Variants in WDR24 observed in about 807,000 individuals in gnomAD.
WDR24 encodes WD repeat domain 24, also known as GATOR2 complex protein WDR24.
WDR24 carries 32 observed loss-of-function variants against 66.7 expected under a neutral mutation model. The observed-to-expected ratio is 0.48, with a 90% confidence interval of 0.36 to 0.64. WDR24 has a LOEUF of 0.64. Among genes scored for constraint, WDR24 ranks in the 30% least tolerant of loss-of-function variants. WDR24 has a pLI of 0.00. For missense variants in WDR24, 978 were observed against 1,144.1 expected (o/e 0.85, Z 2.09); for synonymous variants, 565 against 469.1 (o/e 1.20, Z -2.64).
Position 684,623 on chromosome 16 carries a change from C to T in WDR24, c.*111G>A, listed in dbSNP as rs866202000. On this transcript the variant is annotated 3_prime_UTR_variant, in exon 9 of 9. Coordinates refer to ENST00000293883, the MANE Select transcript of WDR24 (RefSeq NM_032259.4). ...ATGGGGTGACACGCAGTGCCGACAG[C>T]GGCTCTACTTCCTTTATTGAGGTCT... The T allele has an allele frequency of 4.2e-6, 6 of 1,439,672 alleles. No homozygotes were observed. The highest frequency in any genetic ancestry group is 2.9e-5 in the African/African-American group (2 of 69,454). The allele number at this position is 1,439,672 out of a possible 1,614,324, so 89.2% of individuals were successfully genotyped here. A position where few individuals can be genotyped will look rare whatever the true frequency, so the allele number is the denominator to read the frequency against.
chr16:688,479 A>G (rs1024902699), intron 1 of WDR24, among the ~76,000 whole-genome samples: 3 of 152,150 alleles, frequency 2.0e-5, no homozygotes, highest in Non-Finnish European at 4.4e-5. Flanking sequence ...TTTTTAGTGG[A>G]TATGGGGTTT....
At position 685,333 on chromosome 16, in the gene WDR24, C is replaced by T. The variant is rs1318056855; in HGVS notation, c.1943G>A (p.Gly648Asp). The T allele has an allele frequency of 6.2e-7, 1 of 1,609,290 alleles. No homozygotes were observed. Among genetic ancestry groups the T allele is most frequent in the African/African-American group, 1.3e-5 (1 of 75,054 alleles). The stretch of plus-strand genomic sequence containing the variant: ...CACAGACACAGCCATCTGCACGTCG[C>T]CCTGCTCAGCGTAGAAGTGCAGCAT... Reference protein sequence around the residue: ...RDMLHFYAEQGDVQMAVSVLI... With the variant: ...RDMLHFYAEQDDVQMAVSVLI... The change falls in exon 7 of 9, where the codon GGC becomes GAC. Residue 648 changes from glycine (G) to aspartate (D), a missense_variant. By Grantham distance (94) the Gly-to-Asp change is moderately conservative (BLOSUM62 -1). Coordinates refer to ENST00000293883, the MANE Select transcript of WDR24 (RefSeq NM_032259.4).
Position 689,526 on chromosome 16 carries a change from C to T in WDR24, c.115G>A (p.Ala39Thr), listed in dbSNP as rs760445538. The change falls in exon 1 of 9, where the codon GCC becomes ACC. Residue 39 changes from alanine (A) to threonine (T), a missense_variant. Transcript: ENST00000293883. ...ANAISVCRDA[A>T]QVVVAGRSIF... is the part of the protein sequence containing the mutation. ...CTACGGCCTGCCACGACCACCTGGG[C>T]TGCGTCGCGGCACACACTGATGGCA... The T allele has an allele frequency of 3.7e-6, 6 of 1,613,136 alleles. No individual in the cohort carries two copies. The highest frequency in any genetic ancestry group is 5.1e-6 in the Non-Finnish European group (6 of 1,180,042).
At position 686,114 on chromosome 16, in the gene WDR24, G is replaced by A; in HGVS notation, c.1405C>T (p.His469Tyr). 1 of 1,613,142 alleles carries A rather than the reference G, an allele frequency of 6.2e-7. No individual in the cohort carries two copies. Among genetic ancestry groups the A allele is most frequent in the Non-Finnish European group, 8.5e-7 (1 of 1,179,984 alleles). ...PGLVPTANLNHSVGKGGSCGL... is the reference protein window; with the variant it reads ...PGLVPTANLNYSVGKGGSCGL... ...CAGGAGCCACCCTTGCCCACACTGTGGTTGAGGTTTGCAGTGGGCACTAGG... is the reference window on the plus strand; with the variant it reads ...CAGGAGCCACCCTTGCCCACACTGTAGTTGAGGTTTGCAGTGGGCACTAGG... The change falls in exon 4 of 9, where the codon CAC (histidine) becomes TAC (tyrosine). Residue 469 changes from histidine to tyrosine, a missense_variant. Around this residue, in one of 2 missense-constraint regions of WDR24, gnomAD observed 676 missense variants for 617.5 expected, o/e 1.09. Coordinates refer to ENST00000293883, the MANE Select transcript of WDR24 (RefSeq NM_032259.4).
intron 2 of WDR24, 30 bp downstream of exon 2, chr16:687,532 A>G (rs1294919941): frequency 5.6e-6 from 9 of 1,606,068 alleles, no homozygotes; most frequent in Non-Finnish European, 7.7e-6. Context: ...CTTACTGTCA[A>G]CCTACTGCCC....
At chr16:685,229 C>T (rs1482042016) in intron 7 of WDR24, 28 bp downstream of exon 7, 2 of 1,595,800 alleles carry the variant, frequency 1.3e-6, no homozygotes, top group African/African-American at 2.7e-5. Context: ...GGCGGCGCTG[C>T]AGGGGGGAGG....
At chr16:684,934 C>G in intron 8 of WDR24, 32 bp from the exon 9 acceptor site, 1 of 1,535,872 alleles carries the variant, frequency 6.5e-7, no homozygotes, top group African/African-American at 1.4e-5. Flanking sequence ...GGTGCCTCAG[C>G]GGGGGCTGCT....
In WDR24 at chr16:685,743, G is replaced by A; in HGVS notation, c.1614C>T (p.Tyr538=). The A allele has an allele frequency of 1.2e-6, 2 of 1,613,298 alleles. No homozygotes were observed. Among genetic ancestry groups the A allele is most frequent in the Non-Finnish European group, 1.7e-6 (2 of 1,180,016 alleles). ...ETEGSDVPAD[Y]LLGDVEGEED... ...CCTCACCTTCCACGTCACCCAGCAG[G>A]TAGTCGGCAGGTACGTCGCTGCCCT... Residue 538 remains tyrosine (Y), a synonymous_variant, in exon 6 of 9, where the codon TAC becomes TAT. Transcript: ENST00000293883.
At chr16:688,378 C>T (rs1410501400) in intron 1 of WDR24, among the ~76,000 whole-genome samples, 1 of 152,228 alleles carries the variant, frequency 6.6e-6, no homozygotes, top group African/African-American at 2.4e-5. Context: ...ACCTCCACCT[C>T]CCGGGTTCAA....
Position 689,903 on chromosome 16 carries a change from G to T in WDR24, c.-263C>A, listed in dbSNP as rs2039947179. On this transcript the variant is annotated 5_prime_UTR_variant, in exon 1 of 9. Coordinates refer to ENST00000293883, the MANE Select transcript of WDR24 (RefSeq NM_032259.4). ...GAGGGGACTTCCTAGCTTCCCTTAG[G>T]CCTGTCAGTTTCATGTCTGACTTCC... 4.4e-6 allele frequency: 3 copies of T among 683,974 alleles called. No individual in the cohort carries two copies. The highest frequency in any genetic ancestry group is 4.1e-5 in the Admixed American group (2 of 48,978). The allele number at this position is 683,974 out of a possible 1,614,324, so 42.4% of individuals were successfully genotyped here. A position where few individuals can be genotyped will look rare whatever the true frequency, so the allele number is the denominator to read the frequency against.
In WDR24 at chr16:687,756, G is replaced by A. The variant is rs374228480; in HGVS notation, c.482-17C>T. The A allele has an allele frequency of 1.1e-5, 17 of 1,610,044 alleles. No homozygotes were observed. The highest frequency in any genetic ancestry group is 1.3e-5 in the African/African-American group (1 of 74,866). On this transcript the variant is annotated splice_polypyrimidine_tract_variant and intron_variant, in intron 1 of 8. Transcript: ENST00000293883. ...CCGACTGGCCTGCAGGCAGGAGGTC[G>A]ATGCAGGGGAAGTGACGGGGCTGGC...
In WDR24 at chr16:686,776, C is replaced by G. The variant is rs1010397831; in HGVS notation, c.1300G>C (p.Ala434Pro). The change falls in exon 3 of 9, where the codon GCA becomes CCA. Residue 434 changes from alanine (A) to proline (P), a missense_variant. By Grantham distance (27) the Ala-to-Pro change is conservative. Coordinates refer to ENST00000293883, the MANE Select transcript of WDR24 (RefSeq NM_032259.4). Reference sequence around the variant, plus strand: ...CGGCCAAGCTCTCGAGCCACCTTTGCGTTGTGGTCACAGAGCTCGGCCAGT... The same window carrying G: ...CGGCCAAGCTCTCGAGCCACCTTTGGGTTGTGGTCACAGAGCTCGGCCAGT... Reference protein sequence around the residue: ...RPLAELCDHNAKVARELGRNQ... With the variant: ...RPLAELCDHNPKVARELGRNQ... The G allele has an allele frequency of 1.2e-6, 2 of 1,606,810 alleles. No homozygotes were observed. Among genetic ancestry groups the G allele is most frequent in the South Asian group, 2.2e-5 (2 of 90,742 alleles).
intron 3 of WDR24, 116 bp from the exon 4 acceptor site, chr16:686,302 G>T: frequency 8.6e-7 from 1 of 1,164,640 alleles, no homozygotes; most frequent in Non-Finnish European, 1.2e-6. Flanking sequence ...AGTACCCAAT[G>T]TCCAGGCCCA....
Position 686,078 on chromosome 16 carries a change from G to C in WDR24, c.1441C>G (p.Leu481Val). 1.1e-5 allele frequency: 18 copies of C among 1,612,978 alleles called. No individual in the cohort carries two copies. The highest frequency in any genetic ancestry group is 1.5e-5 in the Non-Finnish European group (18 of 1,179,960). Residue 481 changes from leucine to valine, a missense_variant, in exon 4 of 9, where the codon CTC (leucine) becomes GTC (valine). Leu to Val is a conservative substitution (Grantham distance 32). Transcript: ENST00000293883. ...GCCCCCGGCATCTACCTGTTCATGA[G>C]CGGGAGGCCACAGGAGCCACCCTTG... ...VGKGGSCGLP[L>V]MNSFNLKDMA...
At position 689,898 on chromosome 16, in the gene WDR24, CT is replaced by C; in HGVS notation, c.-259del. 1.4e-6 allele frequency: 1 copy of C among 690,014 alleles called. No individual in the cohort carries two copies. 42.7% of individuals were successfully genotyped at this position (690,014 alleles called of 1,614,324 possible). A position where few individuals can be genotyped will look rare whatever the true frequency, so the allele number is the denominator to read the frequency against. ...GCGGTGAGGGGACTTCCTAGCTTCC[CT>C]TAGGCCTGTCAGTTTCATGTCTGAC... On this transcript the variant is annotated 5_prime_UTR_variant, in exon 1 of 9. An upstream open reading frame in the 5' UTR gains an earlier in-frame stop. Coordinates refer to ENST00000293883, the MANE Select transcript of WDR24 (RefSeq NM_032259.4).
intron 6 of WDR24, 26 bp from the exon 7 acceptor site, chr16:685,623 T>TTC (rs2039888983): frequency 6.2e-7 from 1 of 1,608,850 alleles, no homozygotes; most frequent in Non-Finnish European, 8.5e-7. Flanking sequence ...CAGCGGAGGC[T>TTC]CTGAGTCTGT....
rs1043468922 is a variant in WDR24 at position 687,146 on chromosome 16, G to A, written c.930C>T (p.Asp310=). The A allele has an allele frequency of 3.0e-5, 48 of 1,612,302 alleles. No individual in the cohort carries two copies. In the African/African-American group the frequency reaches 6.3e-4, roughly 21 times the overall value. Residue 310 remains aspartate, a synonymous_variant, in exon 3 of 9, where the codon GAC becomes GAT. Transcript: ENST00000293883. ...TGGAGCCAGACAGCAGGAAGGAGGG[G>A]TCGTGGGGGTGGCGCCAGGCAATTC... ...TTGIAWRHPH[D]PSFLLSGSKD... is the part of the protein sequence containing the mutation.
Position 689,964 on chromosome 16 carries a change from C to T in WDR24, c.-324G>A, listed in dbSNP as rs1596568779. 3 of 576,864 alleles carry T rather than the reference C, an allele frequency of 5.2e-6. No individual in the cohort carries two copies. The highest frequency in any genetic ancestry group is 9.8e-6 in the Non-Finnish European group (3 of 304,756). The allele number at this position is 576,864 out of a possible 1,614,324, so 35.7% of individuals were successfully genotyped here. ...CTAGCTGGACATTCCCGGCCCAGGC[C>T]ACCTCTCGGTACCCCCATCAGCCAG... On this transcript the variant is annotated 5_prime_UTR_variant, in exon 1 of 9. Transcript: ENST00000293883.
At position 685,018 on chromosome 16, in the gene WDR24, C is replaced by T; in HGVS notation, c.2178G>A (p.Met726Ile). 1 of 1,554,146 alleles carries T rather than the reference C, an allele frequency of 6.4e-7. No homozygotes were observed. The highest frequency in any genetic ancestry group is 1.7e-4 in the Middle Eastern group (1 of 5,970). ...HVNCSHCKRP[M>I]SSRGWVCDRC... ...TGTCGCAGACCCAGCCCCGGCTGCT[C>T]ATGGGCCGCTTGCAGTGGCTGCAGT... The change falls in exon 8 of 9, where the codon ATG becomes ATA. Residue 726 changes from methionine (M) to isoleucine (I), a missense_variant. This residue lies in a region of WDR24 where 676 missense variants were observed against 617.5 expected (regional missense o/e 1.09). Transcript: ENST00000293883.
Sources: gnomAD v4.1 joint callset for allele counts (sites outside exome capture counted in the v4.1 genomes callset) on GRCh38, gnomAD v4.1.1 for gene constraint, gnomAD v4.1.1 regional missense constraint, MANE v1.5 for transcripts, NCBI Gene and HGNC (gene_info 2026-07-23, HGNC 2026-07-21) for gene names.